Variants in SULF1 observed in about 807,000 individuals in gnomAD.
SULF1 encodes the protein extracellular sulfatase Sulf-1.
A neutral mutation model predicts 110.5 loss-of-function variants in SULF1; 46 were observed. That is an observed-to-expected ratio of 0.42 (90% CI 0.33 to 0.53). SULF1 has a LOEUF of 0.53. SULF1 is among the 20% of genes least tolerant of loss of function. SULF1 has a pLI of 0.12. For synonymous variants in SULF1, 371 were observed against 387.1 expected, an observed-to-expected ratio of 0.96 and a Z score of 0.49; for missense variants, 941 against 1,094.2, an observed-to-expected ratio of 0.86 and a Z score of 1.98.
chr8:69,548,448 CT>C (rs11420223), intron 3 of SULF1, among the ~76,000 whole-genome samples: 2,511 of 138,572 alleles, frequency 0.018, 28 homozygotes, highest in African/African-American at 0.039. Context: ...TGGATGTTAA[CT>C]TTTTTTTTTT....
At chr8:69,635,271 A>C (rs773968914) in intron 19 of SULF1, among the ~76,000 whole-genome samples, 1 of 152,244 alleles carries the variant, frequency 6.6e-6, no homozygotes, top group African/African-American at 2.4e-5. Context: ...TGCAACACCA[A>C]GAGTAAACAC....
intron 22 of SULF1, among the ~76,000 whole-genome samples, chr8:69,643,620 A>G (rs1811653221): frequency 6.6e-6 from 1 of 152,192 alleles, no homozygotes; most frequent in Admixed American, 6.5e-5. Flanking sequence ...AGACTTATTT[A>G]GAGGGTTTTC....
At chr8:69,631,061 C>T (rs533378904) in intron 19 of SULF1, among the ~76,000 whole-genome samples, 5 of 151,824 alleles carry the variant, frequency 3.3e-5, no homozygotes, top group South Asian at 4.2e-4. Flanking sequence ...GTGGGGAAGA[C>T]GGGTCTTTGA....
At chr8:69,466,868 G>C (rs1808879014) in exon 1 of SULF1, 1 of 152,180 alleles carries the variant, frequency 6.6e-6, no homozygotes, top group Non-Finnish European at 1.5e-5. Context: ...AGTGAGAGTC[G>C]CAGGCAATAG....
intron 22 of SULF1, among the ~76,000 whole-genome samples, chr8:69,654,545 A>G (rs1172127721): frequency 1.3e-5 from 2 of 152,212 alleles, no homozygotes; most frequent in Admixed American, 6.5e-5. Flanking sequence ...ACATCGTTTT[A>G]AAGTATAATT....
At chr8:69,499,051 GTT>G (rs1196504053) in intron 2 of SULF1, among the ~76,000 whole-genome samples, 1 of 152,032 alleles carries the variant, frequency 6.6e-6, no homozygotes, top group African/African-American at 2.4e-5. Context: ...TAGAGACAGG[GTT>G]TCACAATGTT....
chr8:69,486,680 A>G (rs980475543), intron 1 of SULF1, among the ~76,000 whole-genome samples: 1 of 152,198 alleles, frequency 6.6e-6, no homozygotes, highest in African/African-American at 2.4e-5. Context: ...ACTCTCCTAC[A>G]GAACACACAG....
intron 3 of SULF1, among the ~76,000 whole-genome samples, chr8:69,561,976 T>G (rs1485074622): frequency 6.6e-6 from 1 of 152,230 alleles, no homozygotes. Context: ...CACTGTGGAA[T>G]CACCCTGCGT....
intron 3 of SULF1, among the ~76,000 whole-genome samples, chr8:69,557,495 G>T (rs896291817): frequency 1.3e-5 from 2 of 152,062 alleles, no homozygotes; most frequent in African/African-American, 4.8e-5. Context: ...AGTCTCAAAG[G>T]CACATTTCTC....
At chr8:69,558,802 C>CAATAAT (rs1815286751) in intron 3 of SULF1, among the ~76,000 whole-genome samples, 1 of 152,054 alleles carries the variant, frequency 6.6e-6, no homozygotes, top group South Asian at 2.1e-4. Context: ...AGACCCTTGC[C>CAATAAT]CCAACAGTTT....
intron 1 of SULF1, among the ~76,000 whole-genome samples, chr8:69,477,347 G>T (rs991898470): frequency 2.0e-5 from 3 of 152,096 alleles, no homozygotes; most frequent in Non-Finnish European, 4.4e-5. Context: ...AAAAATAGCT[G>T]TCTATTCATC....
chr8:69,621,272 C>T, intron 14 of SULF1, 21 bp downstream of exon 14: 2 of 1,591,324 alleles, frequency 1.3e-6, no homozygotes, highest in Non-Finnish European at 1.7e-6. Context: ...CTTTTGTGAC[C>T]ATCTCAATGG....
chr8:69,533,419 G>A (rs980428085), intron 3 of SULF1, among the ~76,000 whole-genome samples: 1 of 151,978 alleles, frequency 6.6e-6, no homozygotes, highest in African/African-American at 2.4e-5. Context: ...CCCTCCCCCA[G>A]TGGGCCCTGG....
At chr8:69,474,122 G>T (rs1809203767) in intron 1 of SULF1, among the ~76,000 whole-genome samples, 1 of 152,048 alleles carries the variant, frequency 6.6e-6, no homozygotes, top group Non-Finnish European at 1.5e-5. Flanking sequence ...TTATTGTCCA[G>T]TTTTTTTGGT....
intron 14 of SULF1, 140 bp from the exon 15 acceptor site, chr8:69,623,802 G>T: frequency 1.0e-6 from 1 of 954,172 alleles, no homozygotes; most frequent in Non-Finnish European, 1.5e-6. Context: ...ACCGTGAATT[G>T]CAGGCACCAC....
At chr8:69,475,102 AG>A (rs1809245019) in intron 1 of SULF1, among the ~76,000 whole-genome samples, 1 of 151,962 alleles carries the variant, frequency 6.6e-6, no homozygotes, top group South Asian at 2.1e-4. Context: ...AAGAGGATAG[AG>A]GCAAAGAAGA....
chr8:69,515,785 C>A, intron 3 of SULF1, among the ~76,000 whole-genome samples: 1 of 152,198 alleles, frequency 6.6e-6, no homozygotes, highest in East Asian at 1.9e-4. Flanking sequence ...TTAGAAATTT[C>A]TTCTGCCAGA....
chr8:69,537,799 C>A (rs900412482), intron 3 of SULF1, among the ~76,000 whole-genome samples: 2 of 152,162 alleles, frequency 1.3e-5, no homozygotes, highest in Non-Finnish European at 1.5e-5. Context: ...TTCAACTTCT[C>A]GCTTTCTTCA....
intron 8 of SULF1, among the ~76,000 whole-genome samples, chr8:69,589,985 A>G (rs1806774266): frequency 6.6e-6 from 1 of 152,196 alleles, no homozygotes; most frequent in Non-Finnish European, 1.5e-5. Flanking sequence ...TCTGTTTCCT[A>G]TATTGTGAAA....
Sources: allele counts gnomAD v4.1 joint callset (sites outside exome capture counted in the v4.1 genomes callset), GRCh38; gene constraint gnomAD v4.1.1; transcripts MANE v1.5; gene names NCBI Gene and HGNC (gene_info 2026-07-23, HGNC 2026-07-21).